Variants in REPIN1 observed in about 807,000 individuals in gnomAD.
REPIN1 encodes the protein replication initiator 1.
REPIN1 carries 4 observed loss-of-function variants against 5.7 expected under a neutral mutation model. The ratio of observed to expected loss-of-function variants is 0.71; its 90% CI spans 0.35 to 1.62. REPIN1 has a LOEUF of 1.62. Ranked by LOEUF, REPIN1 falls within the 40% of genes most tolerant of loss-of-function variation. The pLI is 0.05. For synonymous variants in REPIN1, 410 were observed against 386.2 expected (o/e 1.06, Z -0.72); for missense variants, 854 against 901.0 (o/e 0.95, Z 0.67).
rs1198696228 is a variant in REPIN1 at position 150,372,598 on chromosome 7, C to G, written c.1528C>G (p.His510Asp). ...GSHLAAHRRD[H>D]APDRPFVCPD... Reference sequence around the variant, plus strand: ...CCATCTGGCGGCGCATCGGCGCGACCACGCCCCCGATCGGCCCTTCGTGTG... The same window carrying G: ...CCATCTGGCGGCGCATCGGCGCGACGACGCCCCCGATCGGCCCTTCGTGTG... Residue 510 changes from histidine to aspartate, a missense_variant, in exon 3 of 3, where the codon CAC becomes GAC. Coordinates refer to ENST00000489432, the MANE Select transcript of REPIN1 (RefSeq NM_001099695.2). The G allele has an allele frequency of 6.2e-7, 1 of 1,606,466 alleles. No homozygotes were observed. The highest frequency in any genetic ancestry group is 1.3e-5 in the African/African-American group (1 of 74,842).
intron 2 of REPIN1, chr7:150,370,673 G>A (rs769842957): frequency 1.3e-4 from 92 of 700,246 alleles, no homozygotes; most frequent in Non-Finnish European, 1.7e-4. Flanking sequence ...CTGTTCCCTA[G>A]TCTTGATTCT....
At chr7:150,368,765 T>A (rs1470435817), upstream of REPIN1, 3 of 280,930 alleles carry the variant, frequency 1.1e-5, no homozygotes, top group Non-Finnish European at 1.9e-5. Flanking sequence ...CCTCGGCAGC[T>A]CCTGTAGTCA....
intron 1 of REPIN1, 111 bp downstream of exon 1, chr7:150,369,052 A>C (rs1307641129): frequency 7.1e-4 from 105 of 147,332 alleles, no homozygotes; most frequent in East Asian, 1.1e-3. Flanking sequence ...GCGGGGGGGG[A>C]CGCTGCTGGA....
chr7:150,369,628 G>T, intron 1 of REPIN1, 43 bp from the exon 2 acceptor site: 1 of 1,579,576 alleles, frequency 6.3e-7, no homozygotes. Flanking sequence ...CTGCCCTAGA[G>T]GAGCTCAGAG....
chr7:150,369,946 AAT>A, intron 2 of REPIN1, 78 bp downstream of exon 2: 1 of 1,496,592 alleles, frequency 6.7e-7, no homozygotes. Flanking sequence ...GGCGGAAGGA[AAT>A]GGCCCTTTCT....
upstream of REPIN1, chr7:150,368,656 C>T: frequency 5.0e-6 from 1 of 200,966 alleles, no homozygotes; most frequent in Non-Finnish European, 9.8e-6. Flanking sequence ...GCGGCAGTGG[C>T]TTGAGTGACC....
chr7:150,368,753 A>G (rs1799102599), upstream of REPIN1: 1 of 272,012 alleles, frequency 3.7e-6, no homozygotes, highest in Admixed American at 5.2e-5. Flanking sequence ...CCGGCGACTG[A>G]CCCTCGGCAG....
At chr7:150,370,687 G>A (rs1343846731) in intron 2 of REPIN1, 4 of 701,514 alleles carry the variant, frequency 5.7e-6, no homozygotes, top group Non-Finnish European at 7.8e-6. Flanking sequence ...TGATTCTGCT[G>A]TTGGCTTACT....
At position 150,372,301 on chromosome 7, in the gene REPIN1, G is replaced by A. The variant is rs1297269885; in HGVS notation, c.1231G>A (p.Glu411Lys). 1 of 1,521,912 alleles carries A rather than the reference G, an allele frequency of 6.6e-7. No individual in the cohort carries two copies. Among genetic ancestry groups the A allele is most frequent in the Admixed American group, 2.1e-5 (1 of 47,956 alleles). 94.3% of individuals were successfully genotyped at this position (1,521,912 alleles called of 1,614,324 possible). A position where few individuals can be genotyped will look rare whatever the true frequency, so the allele number is the denominator to read the frequency against. ...TPAVPLKPAQ[E>K]PPPGAPPEHP... is the part of the protein sequence containing the mutation. ...GGCGGTACCTCTGAAACCGGCCCAG[G>A]AGCCGCCGCCAGGGGCCCCGCCAGA... Residue 411 changes from glutamate to lysine, a missense_variant, in exon 3 of 3, where the codon GAG becomes AAG. By Grantham distance (56) the Glu-to-Lys change is moderately conservative (BLOSUM62 1). Coordinates refer to ENST00000489432, the MANE Select transcript of REPIN1 (RefSeq NM_001099695.2).
chr7:150,368,708 A>T, upstream of REPIN1: 2 of 234,658 alleles, frequency 8.5e-6, no homozygotes, highest in Admixed American at 5.6e-5. Context: ...CGGCCCCGGC[A>T]GTCCCTCCCC....
chr7:150,373,109 G>T lies in REPIN1; in HGVS notation c.*164G>T. On this transcript the variant is annotated 3_prime_UTR_variant, in exon 3 of 3. Coordinates refer to ENST00000489432, the MANE Select transcript of REPIN1 (RefSeq NM_001099695.2). Reference sequence around the variant, plus strand: ...AGCTGGGTGGGCCCTGCTAGCGAGAGAGGTCAACCCCGGTGGCCAGGGAAC... The same window carrying T: ...AGCTGGGTGGGCCCTGCTAGCGAGATAGGTCAACCCCGGTGGCCAGGGAAC... 1 of 1,049,686 alleles carries T rather than the reference G, an allele frequency of 9.5e-7. No individual in the cohort carries two copies. The highest frequency in any genetic ancestry group is 1.4e-6 in the Non-Finnish European group (1 of 733,670). The allele number at this position is 1,049,686 out of a possible 1,614,324, so 65.0% of individuals were successfully genotyped here. A position where few individuals can be genotyped will look rare whatever the true frequency, so the allele number is the denominator to read the frequency against.
chr7:150,370,572 G>A (rs1324805280), intron 2 of REPIN1: 1 of 594,272 alleles, frequency 1.7e-6, no homozygotes, highest in Non-Finnish European at 3.0e-6. Flanking sequence ...TGTGGGGCTA[G>A]GAATGAAAAG....
chr7:150,372,442 C>G lies in REPIN1; in HGVS notation c.1372C>G (p.Arg458Gly), dbSNP rs1391224803. The G allele has an allele frequency of 6.6e-7, 1 of 1,517,824 alleles. No homozygotes were observed. Among genetic ancestry groups the G allele is most frequent in the Admixed American group, 2.1e-5 (1 of 46,818 alleles). The allele number at this position is 1,517,824 out of a possible 1,614,324, so 94.0% of individuals were successfully genotyped here. ...RAHQRQHTGERPFTCAECGKN... is the reference protein window; with the variant it reads ...RAHQRQHTGEGPFTCAECGKN... Reference sequence around the variant, plus strand: ...CCACCAGCGGCAGCACACCGGGGAGCGGCCCTTCACCTGCGCCGAGTGCGG... The same window carrying G: ...CCACCAGCGGCAGCACACCGGGGAGGGGCCCTTCACCTGCGCCGAGTGCGG... The change falls in exon 3 of 3, where the codon CGG becomes GGG. Residue 458 changes from arginine (R) to glycine (G), a missense_variant. By Grantham distance (125) the Arg-to-Gly change is moderately radical. Coordinates refer to ENST00000489432, the MANE Select transcript of REPIN1 (RefSeq NM_001099695.2).
chr7:150,370,551 A>T (rs3757425), intron 2 of REPIN1: 2 of 570,532 alleles, frequency 3.5e-6, no homozygotes, highest in Non-Finnish European at 6.3e-6. Flanking sequence ...TGATGCTGAA[A>T]GTGCCTCCCC....
Position 150,371,929 on chromosome 7 carries a change from G to C in REPIN1, c.859G>C (p.Asp287His). 1 of 1,607,738 alleles carries C rather than the reference G, an allele frequency of 6.2e-7. No homozygotes were observed. Among genetic ancestry groups the C allele is most frequent in the Non-Finnish European group, 8.5e-7 (1 of 1,178,950 alleles). The change falls in exon 3 of 3, where the codon GAT (aspartate) becomes CAT (histidine). Residue 287 changes from aspartate (D) to histidine (H), a missense_variant. By Grantham distance (81) the Asp-to-His change is moderately conservative. This residue lies in a region of REPIN1 where 409 missense variants were observed against 418.6 expected (regional missense o/e 0.98). Coordinates refer to ENST00000489432, the MANE Select transcript of REPIN1 (RefSeq NM_001099695.2). ...PAVTAPRPGG[D>H]AVDRPFQCAC... is the part of the protein sequence containing the mutation. The stretch of plus-strand genomic sequence containing the variant: ...GGTGACCGCCCCCCGGCCCGGTGGA[G>C]ATGCCGTCGACCGCCCCTTCCAGTG...
Position 150,369,795 on chromosome 7 carries a change from C to A in REPIN1, c.84C>A (p.Ser28Arg). Residue 28 changes from serine (S) to arginine (R), a missense_variant, in exon 2 of 3, where the codon AGC becomes AGA. Ser to Arg is a moderately radical substitution (Grantham distance 110, BLOSUM62 -1). This residue lies in a region of REPIN1 where 409 missense variants were observed against 418.6 expected (regional missense o/e 0.98). Coordinates refer to ENST00000489432, the MANE Select transcript of REPIN1 (RefSeq NM_001099695.2). The stretch of plus-strand genomic sequence containing the variant: ...GTGTGGGCCGAAGCAGGCGCTGCAG[C>A]CGCGGAAGTATCCCCAGGAACATCC... ...YRSVGRSRRC[S>R]RGSIPRNIPK... The A allele has an allele frequency of 6.2e-7, 1 of 1,613,860 alleles. No homozygotes were observed. The highest frequency in any genetic ancestry group is 8.5e-7 in the Non-Finnish European group (1 of 1,179,758).
intron 2 of REPIN1, chr7:150,370,604 A>T: frequency 1.6e-6 from 1 of 622,650 alleles, no homozygotes; most frequent in Non-Finnish European, 2.9e-6. Flanking sequence ...TTTTTCTCTG[A>T]GATCTTTGCA....
At position 150,372,208 on chromosome 7, in the gene REPIN1, G is replaced by A; in HGVS notation, c.1138G>A (p.Ala380Thr). Residue 380 changes from alanine to threonine, a missense_variant, in exon 3 of 3, where the codon GCC becomes ACC. Physicochemically the swap from Ala to Thr is moderately conservative, Grantham distance 58 (BLOSUM62 0). Transcript: ENST00000489432. ...CAAGCGATCCGAGGGGTCGGCCCAG[G>A]CCGCCCCCGGCCCGGGGAGCCCCCA... is the stretch of plus-strand genomic sequence containing the variant. ...IHKRSEGSAQ[A>T]APGPGSPQLP... is the part of the protein sequence containing the mutation. 6.3e-7 allele frequency: 1 copy of A among 1,581,320 alleles called. No homozygotes were observed. Among genetic ancestry groups the A allele is most frequent in the Non-Finnish European group, 8.6e-7 (1 of 1,168,662 alleles).
In REPIN1 at chr7:150,371,269, C is replaced by A; in HGVS notation, c.199C>A (p.Leu67Met). ...GCTGGAACGTCGTTGCAGGGGCCCC[C>A]TGGCCATGGGCCTGGCCCAGCCCCG... ...PMLERRCRGP[L>M]AMGLAQPRLL... Residue 67 changes from leucine (L) to methionine (M), a missense_variant, in exon 3 of 3, where the codon CTG (leucine) becomes ATG (methionine). Leu to Met is a conservative substitution (Grantham distance 15, BLOSUM62 2). Coordinates refer to ENST00000489432, the MANE Select transcript of REPIN1 (RefSeq NM_001099695.2). 6.2e-7 allele frequency: 1 copy of A among 1,600,968 alleles called. No individual in the cohort carries two copies. The highest frequency in any genetic ancestry group is 1.3e-5 in the African/African-American group (1 of 74,766).
Sources: gnomAD v4.1 joint callset for allele counts on GRCh38, gnomAD v4.1.1 for gene constraint, gnomAD v4.1.1 regional missense constraint, MANE v1.5 for transcripts, NCBI Gene and HGNC (gene_info 2026-07-23, HGNC 2026-07-21) for gene names.